Variants in SLC45A3 observed in about 807,000 individuals in gnomAD.
SLC45A3 encodes prostate cancer associated protein 2.
In SLC45A3, 17 loss-of-function variants were observed where a neutral mutation model predicts 35.3. The ratio of observed to expected loss-of-function variants is 0.48; its 90% CI spans 0.33 to 0.72. The LOEUF is 0.72. Among genes scored for constraint, SLC45A3 ranks in the 30% least tolerant of loss-of-function variants. The pLI is 0.02. For synonymous variants in SLC45A3, 288 were observed against 334.3 expected (o/e 0.86, Z 1.51); for missense variants, 597 against 731.7 (o/e 0.82, Z 2.12).
intron 1 of SLC45A3, among the ~76,000 whole-genome samples, chr1:205,672,405 G>T (rs942506695): frequency 6.6e-6 from 1 of 152,182 alleles, no homozygotes; most frequent in African/African-American, 2.4e-5. Flanking sequence ...CCATAGTTAT[G>T]AGACAGCACG....
At position 205,661,890 on chromosome 1, in the gene SLC45A3, G is replaced by T; in HGVS notation, c.1195C>A (p.Leu399Met). 6.2e-7 allele frequency: 1 copy of T among 1,614,054 alleles called. No individual in the cohort carries two copies. The highest frequency in any genetic ancestry group is 2.2e-5 in the East Asian group (1 of 44,880). Residue 399 changes from leucine (L) to methionine (M), a missense_variant, in exon 4 of 5, where the codon CTG (leucine) becomes ATG (methionine). Leu to Met is a conservative substitution (Grantham distance 15, BLOSUM62 2). This residue lies in a region of SLC45A3 where 555 missense variants were observed against 664.9 expected (regional missense o/e 0.83). Transcript: ENST00000367145. The stretch of plus-strand genomic sequence containing the variant: ...TTCTCCCGGTGGTAGAGGGAGGCCA[G>T]TGTGTAGGGCAGGATCTGCAGGGCT... The part of the protein sequence containing the change: ...FSALQILPYT[L>M]ASLYHREKQV...
intron 4 of SLC45A3, among the ~76,000 whole-genome samples, chr1:205,660,006 G>A (rs1015781480): frequency 1.3e-5 from 2 of 152,140 alleles, no homozygotes; most frequent in East Asian, 3.9e-4. Context: ...GACACAGGGG[G>A]AATGAAGACG....
At chr1:205,671,625 G>A (rs947347720) in intron 1 of SLC45A3, among the ~76,000 whole-genome samples, 10 of 152,196 alleles carry the variant, frequency 6.6e-5, no homozygotes, top group African/African-American at 1.2e-4. Flanking sequence ...TTGGGAGGCC[G>A]AGGCAGGCAG....
intron 1 of SLC45A3, among the ~76,000 whole-genome samples, chr1:205,671,391 C>T (rs1395018594): frequency 2.0e-5 from 3 of 152,238 alleles, no homozygotes; most frequent in Non-Finnish European, 4.4e-5. Context: ...CTCTCTTCCA[C>T]CCGAGGGACC....
intron 1 of SLC45A3, among the ~76,000 whole-genome samples, chr1:205,679,484 G>T (rs1671365008): frequency 6.6e-6 from 1 of 152,102 alleles, no homozygotes; most frequent in African/African-American, 2.4e-5. Flanking sequence ...AAGCATGCAG[G>T]TCCCTGGGGC....
At chr1:205,660,538 T>C (rs941375049) in intron 4 of SLC45A3, among the ~76,000 whole-genome samples, 1 of 152,158 alleles carries the variant, frequency 6.6e-6, no homozygotes, top group African/African-American at 2.4e-5. Context: ...CGGCTCACCA[T>C]GCAGCTCAAC....
rs1012355863 is a variant in SLC45A3 at position 205,658,406 on chromosome 1, T to TG, written c.*827dup. The TG allele has an allele frequency of 8.6e-6, 2 of 232,996 alleles. No homozygotes were observed. The highest frequency in any genetic ancestry group is 1.2e-4 in the East Asian group (2 of 16,562). The allele number at this position is 232,996 out of a possible 1,614,324, so 14.4% of individuals were successfully genotyped here. ...TTCCAAGGTCCTGGGTTAGGCATTT[T>TG]GGGGGGCCAGACCCCAGGAGAAGAA... On this transcript the variant is annotated 3_prime_UTR_variant, in exon 5 of 5. Transcript: ENST00000367145.
intron 1 of SLC45A3, among the ~76,000 whole-genome samples, chr1:205,667,585 C>A (rs1671140282): frequency 6.6e-6 from 1 of 152,152 alleles, no homozygotes; most frequent in Admixed American, 6.5e-5. Flanking sequence ...ATAATCCCAG[C>A]TACTCAGGAG....
chr1:205,673,140 C>G lies in SLC45A3; in HGVS notation c.-231+7254G>C, dbSNP rs528192440. On this transcript the variant is annotated intron_variant, in intron 1 of 4. Coordinates refer to ENST00000367145, the MANE Select transcript of SLC45A3 (RefSeq NM_033102.3). ...GGTCACCTGAAACTAAGCCGAATAA[C>G]CAGGACATCTGGGGGTAGAACTGCC... 4.6e-5 allele frequency among the ~76,000 whole-genome samples: 7 copies of G among 152,268 alleles called. 1 individual carries two copies. In the South Asian group the frequency reaches 1.5e-3, roughly 32 times the overall value.
intron 1 of SLC45A3, among the ~76,000 whole-genome samples, chr1:205,673,387 T>A (rs1171863583): frequency 1.3e-5 from 2 of 152,204 alleles, no homozygotes; most frequent in Admixed American, 1.3e-4. Flanking sequence ...TGCCTTTTCG[T>A]ACAGCCACTG....
At chr1:205,667,602 G>A (rs1671140447) in intron 1 of SLC45A3, among the ~76,000 whole-genome samples, 1 of 152,166 alleles carries the variant, frequency 6.6e-6, no homozygotes, top group South Asian at 2.1e-4. Context: ...GGAGGCTGAG[G>A]TGGGAGGATC....
At chr1:205,674,624 A>G (rs79716096) in intron 1 of SLC45A3, among the ~76,000 whole-genome samples, 5,242 of 150,148 alleles carry the variant, frequency 0.035, 249 homozygotes, top group East Asian at 0.15. Context: ...AAAAAAAAAA[A>G]AAAAGAGAAA....
At position 205,663,616 on chromosome 1, in the gene SLC45A3, T is replaced by C; in HGVS notation, c.175A>G (p.Ile59Val). The C allele has an allele frequency of 6.4e-7, 1 of 1,567,572 alleles. No homozygotes were observed. Among genetic ancestry groups the C allele is most frequent in the Non-Finnish European group, 8.6e-7 (1 of 1,159,476 alleles). ...CAGACCAGGCCCAGCACTGGACCAA[T>C]GCCTGCAAGAAGGGAAGTAGTATGA... Reference protein sequence around the residue: ...EEKFMTMVLGIGPVLGLVCVP... With the variant: ...EEKFMTMVLGVGPVLGLVCVP... Residue 59 changes from isoleucine to valine, a missense_variant and splice_region_variant, in exon 3 of 5, where the codon ATT (isoleucine) becomes GTT (valine). This residue lies in a region of SLC45A3 where 555 missense variants were observed against 664.9 expected (regional missense o/e 0.83). Transcript: ENST00000367145.
At chr1:205,670,399 A>G (rs1411552851) in intron 1 of SLC45A3, among the ~76,000 whole-genome samples, 1 of 152,162 alleles carries the variant, frequency 6.6e-6, no homozygotes, top group Non-Finnish European at 1.5e-5. Context: ...GCCCTAGAAA[A>G]AAACAGTGAT....
At position 205,659,029 on chromosome 1, in the gene SLC45A3, T is replaced by C. The variant is rs906692319; in HGVS notation, c.*205A>G. 1.3e-5 allele frequency: 8 copies of C among 597,630 alleles called. No homozygotes were observed. The African/African-American group carries it at 1.5e-4, about 11-fold the overall frequency. The allele number at this position is 597,630 out of a possible 1,614,324, so 37.0% of individuals were successfully genotyped here. A position where few individuals can be genotyped will look rare whatever the true frequency, so the allele number is the denominator to read the frequency against. On this transcript the variant is annotated 3_prime_UTR_variant, in exon 5 of 5. Coordinates refer to ENST00000367145, the MANE Select transcript of SLC45A3 (RefSeq NM_033102.3). The surrounding 1 kb of genome is among the most constrained non-coding windows in gnomAD (Gnocchi z 5.8). ...TGGAAGGCCTCCAGTCAGGCAGCCC[T>C]AGAGACTGGGGAGAGAGGAGAGGGA...
At chr1:205,678,717 C>G (rs1300341205) in intron 1 of SLC45A3, among the ~76,000 whole-genome samples, 1 of 152,222 alleles carries the variant, frequency 6.6e-6, no homozygotes, top group Non-Finnish European at 1.5e-5. Context: ...GTATTTTTAT[C>G]TTCAAACTCA....
rs773708696 is a variant in SLC45A3, at chr1:205,663,659, G to GT, written c.173-42dup. On this transcript the variant is annotated intron_variant, in intron 2 of 4. Transcript: ENST00000367145. ...TAGTATGAGTCAATGGCTGGGACAA[G>GT]TAAAGGGCAAGGGGAAGGGGAACCA... 20 of 1,517,826 alleles carry GT rather than the reference G, an allele frequency of 1.3e-5. No homozygotes were observed. In the South Asian group the frequency reaches 2.6e-4, roughly 20 times the overall value. 94.0% of individuals were successfully genotyped at this position (1,517,826 alleles called of 1,614,324 possible). A position where few individuals can be genotyped will look rare whatever the true frequency, so the allele number is the denominator to read the frequency against.
intron 1 of SLC45A3, among the ~76,000 whole-genome samples, chr1:205,678,854 C>A (rs1437438446): frequency 6.6e-6 from 1 of 152,134 alleles, no homozygotes; most frequent in East Asian, 1.9e-4. Context: ...GAATGGCCTG[C>A]GACCTCAAAT....
intron 1 of SLC45A3, among the ~76,000 whole-genome samples, chr1:205,678,380 C>CATCTCCTTTGAAGGGATG (rs1671345532): frequency 6.6e-5 from 10 of 152,012 alleles, no homozygotes; most frequent in Admixed American, 6.6e-4. Context: ...CAGGCTGTGA[C>CATCTCCTTTGAAGGGATG]GTCCAGATGA....
Sources: allele counts gnomAD v4.1 joint callset (sites outside exome capture counted in the v4.1 genomes callset), GRCh38; gene constraint gnomAD v4.1.1; regional missense constraint gnomAD v4.1.1; non-coding constraint Gnocchi (gnomAD v3.1); transcripts MANE v1.5; gene names NCBI Gene and HGNC (gene_info 2026-07-23, HGNC 2026-07-21).